Variants in ST8SIA6 observed in about 807,000 individuals in gnomAD.
ST8SIA6 encodes ST8 alpha-N-acetyl-neuraminide alpha-2,8-sialyltransferase 6, also known as alpha-2,8-sialyltransferase 8F.
A neutral mutation model predicts 33.6 loss-of-function variants in ST8SIA6; 39 were observed. The observed-to-expected ratio is 1.16, with a 90% confidence interval of 0.90 to 1.52. ST8SIA6 has a LOEUF of 1.52. Among genes scored for constraint, ST8SIA6 ranks in the 40% most tolerant of loss-of-function variants. ST8SIA6 has a pLI of 0.00. For missense variants in ST8SIA6, 441 were observed against 443.8 expected (o/e 0.99, Z 0.06); for synonymous variants, 172 against 167.2 (o/e 1.03, Z -0.22).
intron 4 of ST8SIA6, among the ~76,000 whole-genome samples, chr10:17,354,369 AT>A (rs941485140): frequency 1.3e-5 from 2 of 152,122 alleles, no homozygotes; most frequent in African/African-American, 4.8e-5. Context: ...ATCCAGGTAG[AT>A]TTTTCACAAA....
At chr10:17,404,233 A>T (rs1220094860) in intron 2 of ST8SIA6, among the ~76,000 whole-genome samples, 6 of 152,150 alleles carry the variant, frequency 3.9e-5, no homozygotes, top group African/African-American at 1.2e-4. Flanking sequence ...TTATAAACTG[A>T]GGAAATTGAG....
chr10:17,350,530 C>T (rs1002255080), intron 4 of ST8SIA6, among the ~76,000 whole-genome samples: 1 of 151,802 alleles, frequency 6.6e-6, no homozygotes, highest in African/African-American at 2.4e-5. Context: ...CTCAACAAAA[C>T]AAAACAAAAC....
chr10:17,412,332 T>C (rs1001667242), intron 2 of ST8SIA6, among the ~76,000 whole-genome samples: 2 of 151,956 alleles, frequency 1.3e-5, no homozygotes, highest in Non-Finnish European at 2.9e-5. Context: ...CCAAGCCCAA[T>C]CCCCAGACCT....
At chr10:17,403,489 A>T (rs1851127846) in intron 2 of ST8SIA6, 1 of 152,168 alleles carries the variant, frequency 6.6e-6, no homozygotes, top group South Asian at 2.1e-4. Flanking sequence ...CCGACTTCCA[A>T]CGATATTCTC....
In ST8SIA6 at chr10:17,407,321, A is replaced by C. The variant is rs935706916; in HGVS notation, c.201-16701T>G. 6.6e-5 allele frequency among the ~76,000 whole-genome samples: 10 copies of C among 152,050 alleles called. No individual in the cohort carries two copies. In the South Asian group the frequency reaches 1.9e-3, roughly 28 times the overall value. On this transcript the variant is annotated intron_variant, in intron 2 of 7. Coordinates refer to ENST00000377602, the MANE Select transcript of ST8SIA6 (RefSeq NM_001004470.3). Reference sequence around the variant, plus strand: ...CAGTTCAAACCAGCTGAGACCACCAACCCTCTGAATGCACCTGCATGGATG... The same window carrying C: ...CAGTTCAAACCAGCTGAGACCACCACCCCTCTGAATGCACCTGCATGGATG...
intron 4 of ST8SIA6, among the ~76,000 whole-genome samples, chr10:17,340,048 A>G (rs914004982): frequency 2.6e-5 from 4 of 152,204 alleles, no homozygotes; most frequent in African/African-American, 7.2e-5. Flanking sequence ...AATTCAAACT[A>G]TTCCTCTAAA....
chr10:17,368,687 A>C (rs1393412157), intron 3 of ST8SIA6, among the ~76,000 whole-genome samples: 2 of 152,062 alleles, frequency 1.3e-5, no homozygotes, highest in African/African-American at 4.8e-5. Flanking sequence ...GTAATTAATA[A>C]AGTAATAATT....
chr10:17,338,258 T>C (rs1023254091), intron 4 of ST8SIA6, among the ~76,000 whole-genome samples: 5 of 152,190 alleles, frequency 3.3e-5, no homozygotes, highest in Non-Finnish European at 5.9e-5. Context: ...GGTCTTGAAC[T>C]CCCGACCTCA....
intron 2 of ST8SIA6, among the ~76,000 whole-genome samples, chr10:17,437,664 T>TCCTTC: frequency 6.8e-6 from 1 of 147,940 alleles, no homozygotes; most frequent in Admixed American, 6.7e-5. Context: ...CTTCCTTCCT[T>TCCTTC]CTGTCTCTCT....
At position 17,331,540 on chromosome 10, in the gene ST8SIA6, A is replaced by G. The variant is rs747193887; in HGVS notation, c.390T>C (p.Ala130=). The part of the protein sequence containing the change: ...EEYANFRAKL[A]SCCDAVQNFV... ...AGTTTTGAACAGCATCACAGCAGGAAGCAAGTTTGGCTCTGCAAAGGAAAA... is the reference window on the plus strand; with the variant it reads ...AGTTTTGAACAGCATCACAGCAGGAGGCAAGTTTGGCTCTGCAAAGGAAAA... Residue 130 remains alanine, a synonymous_variant, in exon 5 of 8, where the codon GCT becomes GCC. Coordinates refer to ENST00000377602, the MANE Select transcript of ST8SIA6 (RefSeq NM_001004470.3). The G allele has an allele frequency of 1.9e-5, 31 of 1,608,204 alleles. No individual in the cohort carries two copies. Among genetic ancestry groups the G allele is most frequent in the Non-Finnish European group, 2.6e-5 (31 of 1,178,420 alleles).
chr10:17,412,731 A>G (rs553242340), intron 2 of ST8SIA6, among the ~76,000 whole-genome samples: 1 of 140,426 alleles, frequency 7.1e-6, no homozygotes, highest in Non-Finnish European at 1.6e-5. Flanking sequence ...ATATATGGTA[A>G]TATACAATAT....
intron 3 of ST8SIA6, 117 bp from the exon 4 acceptor site, chr10:17,359,717 G>A: frequency 9.9e-6 from 5 of 506,628 alleles, no homozygotes; most frequent in Non-Finnish European, 1.7e-5. Context: ...TATAAGGTGA[G>A]GCAGAAATAA....
At chr10:17,398,296 C>T (rs1159858011) in intron 2 of ST8SIA6, among the ~76,000 whole-genome samples, 2 of 151,650 alleles carry the variant, frequency 1.3e-5, no homozygotes, top group African/African-American at 4.9e-5. Flanking sequence ...CATTGCACTC[C>T]AGCCTGGGTG....
intron 2 of ST8SIA6, chr10:17,413,549 T>C (rs1193259670): frequency 6.6e-6 from 1 of 152,190 alleles, no homozygotes; most frequent in Non-Finnish European, 1.5e-5. Context: ...AAACACCAAA[T>C]GGCTTACTTA....
At chr10:17,323,583 C>T in intron 6 of ST8SIA6, among the ~76,000 whole-genome samples, 1 of 151,786 alleles carries the variant, frequency 6.6e-6, no homozygotes. Context: ...TAGGGTATCA[C>T]CATGTTGGCC....
chr10:17,334,396 G>A (rs964791488), intron 4 of ST8SIA6, among the ~76,000 whole-genome samples: 6 of 151,698 alleles, frequency 4.0e-5, no homozygotes, highest in African/African-American at 1.5e-4. Context: ...AAAGTTAGCC[G>A]GGCACGGTGG....
At chr10:17,439,315 T>C (rs1164474226) in intron 2 of ST8SIA6, among the ~76,000 whole-genome samples, 2 of 150,242 alleles carry the variant, frequency 1.3e-5, no homozygotes, top group Non-Finnish European at 3.0e-5. Context: ...AGCCTCTCTC[T>C]GTCACCCAGA....
At chr10:17,387,450 G>A (rs972519307) in intron 3 of ST8SIA6, among the ~76,000 whole-genome samples, 6 of 123,064 alleles carry the variant, frequency 4.9e-5, no homozygotes, top group African/African-American at 1.2e-4. Context: ...GGTGGGGCGG[G>A]GGGGGGGGGG....
intron 2 of ST8SIA6, among the ~76,000 whole-genome samples, chr10:17,422,687 T>C (rs527877650): frequency 6.6e-6 from 1 of 152,338 alleles, no homozygotes; most frequent in Admixed American, 6.5e-5. Context: ...TTACTGACTC[T>C]GAGGGGCAAC....
Sources: allele counts gnomAD v4.1 joint callset (sites outside exome capture counted in the v4.1 genomes callset), GRCh38; gene constraint gnomAD v4.1.1; transcripts MANE v1.5; gene names NCBI Gene and HGNC (gene_info 2026-07-23, HGNC 2026-07-21).